The following FAXC variants were observed in gnomAD, a reference collection of about 807,000 sequenced individuals.
FAXC encodes the protein failed axon connections homolog.
A neutral mutation model predicts 41.9 loss-of-function variants in FAXC; 10 were observed. The ratio of observed to expected loss-of-function variants is 0.24; its 90% CI spans 0.15 to 0.41. The LOEUF (loss-of-function observed/expected upper bound fraction) is 0.41. FAXC is among the 10% of genes least tolerant of loss of function. The probability of loss-of-function intolerance (pLI) is 1.00; values close to 1 mark genes in which losing one functional copy is unlikely to be tolerated. For missense variants in FAXC, 399 were observed against 510.9 expected (o/e 0.78, Z 2.11); for synonymous variants, 183 against 183.8 (o/e 1.00, Z 0.03).
intron 3 of FAXC, among the ~76,000 whole-genome samples, chr6:99,326,606 T>A (rs1221685763): frequency 6.6e-6 from 1 of 152,048 alleles, no homozygotes; most frequent in Non-Finnish European, 1.5e-5. Flanking sequence ...AGCAGGGGCA[T>A]GTTGGTGGTG....
At chr6:99,331,021 TA>T (rs955714979) in intron 3 of FAXC, among the ~76,000 whole-genome samples, 12 of 152,196 alleles carry the variant, frequency 7.9e-5, no homozygotes, top group African/African-American at 2.9e-4. Flanking sequence ...AGAAGTTGGC[TA>T]AAGGCTTGAG....
chr6:99,299,951 A>C (rs1442959458), intron 4 of FAXC, among the ~76,000 whole-genome samples: 1 of 152,134 alleles, frequency 6.6e-6, no homozygotes, highest in Admixed American at 6.6e-5. Context: ...AAAATACCAG[A>C]AGAAGCTCCT....
intron 3 of FAXC, 33 bp downstream of exon 3, chr6:99,333,318 C>A (rs776460938): frequency 2.6e-6 from 4 of 1,532,882 alleles, no homozygotes; most frequent in Non-Finnish European, 3.5e-6. Flanking sequence ...GGGCTTACTT[C>A]GAAAGGACGG....
chr6:99,283,979 G>C (rs1050079485), intron 5 of FAXC: 1 of 152,284 alleles, frequency 6.6e-6, no homozygotes, highest in East Asian at 1.9e-4. Flanking sequence ...CTCCAGAAGA[G>C]GTGTCTGCTC....
intron 3 of FAXC, among the ~76,000 whole-genome samples, chr6:99,326,408 T>TA (rs1772805021): frequency 6.6e-6 from 1 of 152,166 alleles, no homozygotes; most frequent in African/African-American, 2.4e-5. Context: ...TATTTTCTCC[T>TA]AAAATGATAG....
chr6:99,349,394 GC>G lies in FAXC; in HGVS notation c.-23del. The G allele has an allele frequency of 6.3e-7, 1 of 1,584,536 alleles. No homozygotes were observed. Among genetic ancestry groups the G allele is most frequent in the African/African-American group, 1.4e-5 (1 of 73,852 alleles). On this transcript the variant is annotated 5_prime_UTR_variant, in exon 1 of 6. Coordinates refer to ENST00000389677, the MANE Select transcript of FAXC (RefSeq NM_032511.4). ...GCATGCTGCGCGGCTGGCTCCGGGC[GC>G]CCCTCCCAGGGCCCGCGCCGCCCGC...
intron 4 of FAXC, among the ~76,000 whole-genome samples, chr6:99,320,217 G>A (rs1200225586): frequency 6.6e-6 from 1 of 152,118 alleles, no homozygotes; most frequent in Non-Finnish European, 1.5e-5. Context: ...TATCAGGAAT[G>A]AATACTAAAC....
At chr6:99,308,885 A>G (rs1021430098) in intron 4 of FAXC, among the ~76,000 whole-genome samples, 1 of 152,188 alleles carries the variant, frequency 6.6e-6, no homozygotes. Context: ...ATTTTTTAAA[A>G]TTTTCGTTTA....
chr6:99,291,928 G>A (rs115537181), intron 4 of FAXC, 108 bp from the exon 5 acceptor site: 1 of 836,530 alleles, frequency 1.2e-6, no homozygotes, highest in East Asian at 2.4e-5. Context: ...ATACCAAAAA[G>A]CTTTGCAGAA....
Position 99,281,142 on chromosome 6 carries a change from A to C in FAXC, c.*22T>G. 4.5e-6 allele frequency: 5 copies of C among 1,102,782 alleles called. No individual in the cohort carries two copies. Among genetic ancestry groups the C allele is most frequent in the Non-Finnish European group, 7.0e-6 (5 of 715,364 alleles). 68.3% of individuals were successfully genotyped at this position (1,102,782 alleles called of 1,614,324 possible). On this transcript the variant is annotated 3_prime_UTR_variant, in exon 6 of 6. Transcript: ENST00000389677. The stretch of plus-strand genomic sequence containing the variant: ...CCCAGGGAGTGGCAGGTCCCAAGGA[A>C]GAGGGTCAGTGAGGCTGGACGTCAC...
At chr6:99,306,833 G>A (rs1310978025) in intron 4 of FAXC, among the ~76,000 whole-genome samples, 1 of 152,164 alleles carries the variant, frequency 6.6e-6, no homozygotes, top group Non-Finnish European at 1.5e-5. Context: ...GTTAATACCT[G>A]AAAAGCTCTC....
At chr6:99,334,233 G>A (rs1213658503) in intron 2 of FAXC, among the ~76,000 whole-genome samples, 2 of 152,136 alleles carry the variant, frequency 1.3e-5, no homozygotes, top group Non-Finnish European at 2.9e-5. Flanking sequence ...CTGCCTCCTG[G>A]TGTCTTGATA....
chr6:99,345,372 G>T (rs1773555416), intron 1 of FAXC, among the ~76,000 whole-genome samples: 2 of 152,194 alleles, frequency 1.3e-5, no homozygotes, highest in Admixed American at 1.3e-4. Flanking sequence ...TTACAGATGA[G>T]AAAACTGAGT....
chr6:99,340,250 C>T (rs962285864), intron 2 of FAXC, among the ~76,000 whole-genome samples: 1 of 152,032 alleles, frequency 6.6e-6, no homozygotes, highest in Non-Finnish European at 1.5e-5. Context: ...CAGGCACACG[C>T]CACTACCGCC....
chr6:99,320,526 C>A (rs1271324924), intron 4 of FAXC, among the ~76,000 whole-genome samples: 3 of 152,176 alleles, frequency 2.0e-5, no homozygotes, highest in East Asian at 3.8e-4. Flanking sequence ...TCCCACCAGG[C>A]CTAATTCATC....
chr6:99,277,484 T>A lies in FAXC; in HGVS notation c.*3680A>T, dbSNP rs1770672812. The A allele has an allele frequency of 6.6e-6, 1 of 152,178 alleles. No homozygotes were observed. Among genetic ancestry groups the A allele is most frequent in the African/African-American group, 2.4e-5 (1 of 41,422 alleles). 9.4% of individuals were successfully genotyped at this position (152,178 alleles called of 1,614,324 possible). On this transcript the variant is annotated 3_prime_UTR_variant, in exon 6 of 6. Transcript: ENST00000389677. ...TATTCAGCAAGTGAGGGAATGGACA[T>A]GGGTTCTTTAAAAGATACATAAGGA...
At position 99,272,342 on chromosome 6, in the gene FAXC, A is replaced by G. The variant is rs1350405187; in HGVS notation, c.*8822T>C. On this transcript the variant is annotated 3_prime_UTR_variant, in exon 6 of 6. Transcript: ENST00000389677. ...AGGCATGCACCACCATGCCCGGCTA[A>G]TTTTGTATTTTTAGTAGAGACAGGG... 1 of 151,932 alleles carries G rather than the reference A, an allele frequency of 6.6e-6. No homozygotes were observed. The highest frequency in any genetic ancestry group is 1.5e-5 in the Non-Finnish European group (1 of 67,984). The allele number at this position is 151,932 out of a possible 1,614,324, so 9.4% of individuals were successfully genotyped here.
At position 99,275,402 on chromosome 6, in the gene FAXC, G is replaced by C. The variant is rs563942925; in HGVS notation, c.*5762C>G. On this transcript the variant is annotated 3_prime_UTR_variant, in exon 6 of 6. Transcript: ENST00000389677. ...TGAAATGGTCAGTTTGGTGCTGCTA[G>C]ACCATATCTGTAGGTTATTCGTTTT... The C allele has an allele frequency of 2.0e-5, 3 of 152,200 alleles. No individual in the cohort carries two copies. Among genetic ancestry groups the C allele is most frequent in the African/African-American group, 7.2e-5 (3 of 41,448 alleles). 9.4% of individuals were successfully genotyped at this position (152,200 alleles called of 1,614,324 possible).
chr6:99,346,398 C>CT (rs897113914), intron 1 of FAXC, among the ~76,000 whole-genome samples: 1 of 152,080 alleles, frequency 6.6e-6, no homozygotes, highest in Non-Finnish European at 1.5e-5. Flanking sequence ...AAAGTAGGTA[C>CT]TTTTTTTGAG....
Sources: allele counts gnomAD v4.1 joint callset (sites outside exome capture counted in the v4.1 genomes callset), GRCh38; gene constraint gnomAD v4.1.1; transcripts MANE v1.5; gene names NCBI Gene and HGNC (gene_info 2026-07-23, HGNC 2026-07-21).